The following TMEM160 variants were observed in gnomAD, a reference collection of about 807,000 sequenced individuals.
TMEM160 encodes the protein transmembrane protein 160.
A neutral mutation model predicts 13.9 loss-of-function variants in TMEM160; 10 were observed. The observed-to-expected ratio is 0.72, with a 90% CI of 0.45 to 1.22. The LOEUF (loss-of-function observed/expected upper bound fraction) is 1.22, where lower values mean the gene tolerates loss of function less well. TMEM160 is among the 50% of genes most tolerant of loss of function. TMEM160 has a pLI of 0.00. For missense variants in TMEM160, 287 were observed against 283.2 expected (o/e 1.01, Z -0.10); for synonymous variants, 159 against 134.8 (o/e 1.18, Z -1.25).
At chr19:47,048,349 C>T (rs1201714499) in intron 1 of TMEM160, 58 bp downstream of exon 1, 2 of 1,371,962 alleles carry the variant, frequency 1.5e-6, no homozygotes, top group African/African-American at 1.5e-5. Context: ...CCATCAAGGT[C>T]CCACGCGAGC....
chr19:47,046,316 G>A, intron 2 of TMEM160, 64 bp from the exon 3 acceptor site: 7 of 1,490,546 alleles, frequency 4.7e-6, no homozygotes, highest in Non-Finnish European at 5.3e-6. Flanking sequence ...CAAAGCCAGG[G>A]TTGAGGAGAC....
At chr19:47,046,466 A>G in intron 2 of TMEM160, 127 bp downstream of exon 2, 3 of 959,456 alleles carry the variant, frequency 3.1e-6, no homozygotes, top group Admixed American at 4.0e-5. Flanking sequence ...CTGGTGGGGG[A>G]AGAATGGGGG....
Position 47,046,665 on chromosome 19 carries a change from T to G in TMEM160, c.229A>C (p.Asn77His), listed in dbSNP as rs1447276027. 6.2e-7 allele frequency: 1 copy of G among 1,612,328 alleles called. No homozygotes were observed. The change falls in exon 2 of 3, where the codon AAT (asparagine) becomes CAT (histidine). Residue 77 changes from asparagine (N) to histidine (H), a missense_variant. Transcript: ENST00000253047. Reference protein sequence around the residue: ...HETAFLSWFRNGLLASGIGVI... With the variant: ...HETAFLSWFRHGLLASGIGVI... ...CCGATGCCCGATGCCAGGAGGCCATTGCGGAACCAGGAGAGGAAGGCTGGA... is the reference window on the plus strand; with the variant it reads ...CCGATGCCCGATGCCAGGAGGCCATGGCGGAACCAGGAGAGGAAGGCTGGA...
chr19:47,047,819 C>A, intron 1 of TMEM160: 1 of 891,882 alleles, frequency 1.1e-6, no homozygotes, highest in South Asian at 5.2e-5. Flanking sequence ...GCGGTCCAGC[C>A]TCGGTGACAG....
rs752969300 is a variant in TMEM160, at chr19:47,046,577, G to T, written c.301+16C>A. 3.7e-6 allele frequency: 6 copies of T among 1,601,882 alleles called. No individual in the cohort carries two copies. Among genetic ancestry groups the T allele is most frequent in the Non-Finnish European group, 4.3e-6 (5 of 1,169,976 alleles). On this transcript the variant is annotated intron_variant, in intron 2 of 2. Transcript: ENST00000253047. ...TTCCCTGGTTCCGTGGGGCGAGAGG[G>T]GGGGTCTGCACTCACCATATGCTGC...
chr19:47,046,400 A>AGGGCCCC (rs2057080168), intron 2 of TMEM160, 148 bp from the exon 3 acceptor site: 1 of 1,131,360 alleles, frequency 8.8e-7, no homozygotes, highest in South Asian at 1.5e-5. Context: ...GGGGACCATA[A>AGGGCCCC]CCATGTCCTG....
intron 1 of TMEM160, chr19:47,048,007 C>T: frequency 2.3e-6 from 2 of 869,620 alleles, no homozygotes; most frequent in African/African-American, 1.8e-5. Context: ...TCCTGAACTT[C>T]CCCCTCTTCT....
At chr19:47,046,855 A>G (rs1010916881) in intron 1 of TMEM160, among the ~76,000 whole-genome samples, 170 bp from the exon 2 acceptor site, 5 of 151,864 alleles carry the variant, frequency 3.3e-5, no homozygotes, top group African/African-American at 1.2e-4. Context: ...TCACCTAACC[A>G]TATCCCCCCA....
chr19:47,046,481 A>G (rs375352283), intron 2 of TMEM160, 112 bp downstream of exon 2: 2 of 1,008,134 alleles, frequency 2.0e-6, no homozygotes, highest in African/African-American at 1.6e-5. Context: ...TGGGGGTTCT[A>G]TACTTACTAC....
At chr19:47,046,920 A>T (rs2057083635) in intron 1 of TMEM160, among the ~76,000 whole-genome samples, 1 of 152,160 alleles carries the variant, frequency 6.6e-6, no homozygotes, top group South Asian at 2.1e-4. Context: ...TGTAACACTA[A>T]GGATTCAAGG....
At chr19:47,046,452 T>A in intron 2 of TMEM160, 141 bp downstream of exon 2, 1 of 934,438 alleles carries the variant, frequency 1.1e-6, no homozygotes, top group South Asian at 1.5e-5. Flanking sequence ...GGGAGGGGTG[T>A]CTTCTGGTGG....
Position 47,046,014 on chromosome 19 carries a change from A to C in TMEM160, c.540T>G (p.Asp180Glu). The change falls in exon 3 of 3, where the codon GAT becomes GAG. Residue 180 changes from aspartate to glutamate, a missense_variant. Coordinates refer to ENST00000253047, the MANE Select transcript of TMEM160 (RefSeq NM_017854.2). The part of the protein sequence containing the change: ...DDGTASAEGP[D>E]EAGRPPPE The stretch of plus-strand genomic sequence containing the variant: ...ACTCGGGTGGCGGCCGACCCGCCTC[A>C]TCAGGGCCTTCCGCGGAGGCCGTCC... The C allele has an allele frequency of 6.5e-7, 1 of 1,548,802 alleles. No homozygotes were observed.
Position 47,046,033 on chromosome 19 carries a change from G to T in TMEM160, c.521C>A (p.Ala174Asp). ...CGCCTCATCAGGGCCTTCCGCGGAGGCCGTCCCGTCGTCCTCGGGCACCAG... is the reference window on the plus strand; with the variant it reads ...CGCCTCATCAGGGCCTTCCGCGGAGTCCGTCCCGTCGTCCTCGGGCACCAG... ...VELVPEDDGT[A>D]SAEGPDEAGR... Residue 174 changes from alanine to aspartate, a missense_variant, in exon 3 of 3, where the codon GCC (alanine) becomes GAC (aspartate). By Grantham distance (126) the Ala-to-Asp change is moderately radical. Transcript: ENST00000253047. 6.5e-7 allele frequency: 1 copy of T among 1,549,562 alleles called. No homozygotes were observed. The highest frequency in any genetic ancestry group is 8.7e-7 in the Non-Finnish European group (1 of 1,154,936).
At position 47,046,193 on chromosome 19, in the gene TMEM160, G is replaced by A; in HGVS notation, c.361C>T (p.Leu121=). The stretch of plus-strand genomic sequence containing the variant: ...TGCATGGGTCCTCGCAGCGCCGCCA[G>A]GCCCACGGCGTACGAGGCGCTGCCC... ...VWGSASYAVG[L]AALRGPMQLT... Residue 121 remains leucine, a synonymous_variant, in exon 3 of 3, where the codon CTG becomes TTG. Coordinates refer to ENST00000253047, the MANE Select transcript of TMEM160 (RefSeq NM_017854.2). 6.6e-7 allele frequency: 1 copy of A among 1,523,938 alleles called. No homozygotes were observed. Among genetic ancestry groups the A allele is most frequent in the Non-Finnish European group, 8.8e-7 (1 of 1,142,542 alleles). 94.4% of individuals were successfully genotyped at this position (1,523,938 alleles called of 1,614,324 possible).
chr19:47,047,442 AG>A, intron 1 of TMEM160: 1 of 984,800 alleles, frequency 1.0e-6, no homozygotes, highest in Non-Finnish European at 1.2e-6. Context: ...TCTCCTACCG[AG>A]TATGGCCTGG....
rs912670185 is a variant in TMEM160, at chr19:47,048,336, G to A, written c.208+71C>T. ...GGCCCCGTTTCCTGCAGAAGCCCCC[G>A]CCCCATCAAGGTCCCACGCGAGCCC... On this transcript the variant is annotated intron_variant, in intron 1 of 2. Coordinates refer to ENST00000253047, the MANE Select transcript of TMEM160 (RefSeq NM_017854.2). 40 of 1,217,194 alleles carry A rather than the reference G, an allele frequency of 3.3e-5. No individual in the cohort carries two copies. The Admixed American group carries it at 1.2e-3, about 37-fold the overall frequency. The allele number at this position is 1,217,194 out of a possible 1,614,324, so 75.4% of individuals were successfully genotyped here.
In TMEM160 at chr19:47,046,243, A is replaced by G. The variant is rs1331773115; in HGVS notation, c.311T>C (p.Leu104Pro). 6.5e-7 allele frequency: 1 copy of G among 1,536,618 alleles called. No homozygotes were observed. Among genetic ancestry groups the G allele is most frequent in the Admixed American group, 2.0e-5 (1 of 50,436 alleles). ...CCACACCACGCACAGGCCGCCCAGCAGGAAGAAGCCTGCGGGAGAGGCAGG... is the reference window on the plus strand; with the variant it reads ...CCACACCACGCACAGGCCGCCCAGCGGGAAGAAGCCTGCGGGAGAGGCAGG... ...MGREAAYGFF[L>P]LGGLCVVWGS... Residue 104 changes from leucine (L) to proline (P), a missense_variant, in exon 3 of 3, where the codon CTG (leucine) becomes CCG (proline). Leu to Pro is a moderately conservative substitution (Grantham distance 98). Coordinates refer to ENST00000253047, the MANE Select transcript of TMEM160 (RefSeq NM_017854.2).
intron 1 of TMEM160, chr19:47,047,306 A>C: frequency 1.0e-6 from 1 of 985,152 alleles, no homozygotes; most frequent in Non-Finnish European, 1.2e-6. Context: ...ATCTTGGCCA[A>C]ACCCCTCCCT....
At chr19:47,046,504 G>T in intron 2 of TMEM160, 89 bp downstream of exon 2, 3 of 1,132,930 alleles carry the variant, frequency 2.6e-6, no homozygotes, top group South Asian at 1.3e-5. Flanking sequence ...GGAGTGGGAT[G>T]GGGTAGGAGA....
Sources: allele counts gnomAD v4.1 joint callset (sites outside exome capture counted in the v4.1 genomes callset), GRCh38; gene constraint gnomAD v4.1.1; transcripts MANE v1.5; gene names NCBI Gene and HGNC (gene_info 2026-07-23, HGNC 2026-07-21).